LRRC71: variants seen among roughly 807,000 people sequenced by gnomAD.
The protein encoded by LRRC71 is leucine rich repeat containing 71.
In LRRC71, 54 loss-of-function variants were observed where a neutral mutation model predicts 66.6. That is an observed-to-expected ratio of 0.81 (90% confidence interval 0.65 to 1.02). LRRC71 has a LOEUF of 1.02. Among genes scored for constraint, LRRC71 ranks in the 50% least tolerant of loss-of-function variants. The probability of loss-of-function intolerance (pLI) is 0.00; values close to 1 mark genes in which losing one functional copy is unlikely to be tolerated. For missense variants in LRRC71, 724 were observed against 718.0 expected (o/e 1.01, Z -0.10); for synonymous variants, 323 against 303.9 (o/e 1.06, Z -0.65).
At chr1:156,939,514 T>C in the LRRC71 span, 1 of 1,604,516 alleles carries the variant, frequency 6.2e-7, no homozygotes, top group Non-Finnish European at 8.5e-7. Flanking sequence ...GCAAGGGTGC[T>C]TGTCTCCCCA....
At position 156,927,944 on chromosome 1, in the gene LRRC71, C is replaced by G. The variant is rs1317903875; in HGVS notation, c.936C>G (p.Thr312=). 6.2e-7 allele frequency: 1 copy of G among 1,611,848 alleles called. No homozygotes were observed. The highest frequency in any genetic ancestry group is 1.3e-5 in the African/African-American group (1 of 74,884). ...TGCGCGCCTTCGAGCTGACACACAC[C>G]GAAGTGGTGGAGCGCCGACGCCTCC... is the stretch of plus-strand genomic sequence containing the variant. ...EVLRAFELTH[T]EVVERRRLLL... is the part of the protein sequence containing the mutation. The change falls in exon 9 of 15, where the codon ACC becomes ACG. Residue 312 remains threonine, a synonymous_variant. Coordinates refer to ENST00000337428, the MANE Select transcript of LRRC71 (RefSeq NM_144702.3).
intron 1 of LRRC71, among the ~76,000 whole-genome samples, chr1:156,921,909 A>C (rs1051248295): frequency 5.3e-5 from 8 of 152,202 alleles, no homozygotes; most frequent in Admixed American, 1.3e-4. Flanking sequence ...TCCTCAGAGA[A>C]ACACTTTTGA....
chr1:156,935,689 G>A (rs149872717), downstream of LRRC71: 9 of 315,302 alleles, frequency 2.9e-5, no homozygotes, highest in African/African-American at 1.1e-4. Context: ...ACAGGCGTGC[G>A]CGTGTACACA....
intron 1 of LRRC71, chr1:156,921,550 T>C: frequency 1.2e-6 from 1 of 843,206 alleles, no homozygotes; most frequent in Non-Finnish European, 1.4e-6. Flanking sequence ...TAAAACAACT[T>C]GGGAAAAAGA....
intron 3 of LRRC71, 36 bp downstream of exon 3, chr1:156,924,588 C>T (rs1319446082): frequency 6.6e-7 from 1 of 1,526,690 alleles, no homozygotes; most frequent in African/African-American, 1.4e-5. Flanking sequence ...CCAGCTCCCT[C>T]CCGCTCCCCT....
intron 5 of LRRC71, 127 bp from the exon 6 acceptor site, chr1:156,927,075 T>C: frequency 2.6e-6 from 2 of 761,956 alleles, no homozygotes; most frequent in Non-Finnish European, 4.3e-6. Context: ...ATATTTCCTA[T>C]ATTGGGGGGG....
At chr1:156,930,093 C>CTTT in intron 11 of LRRC71, among the ~76,000 whole-genome samples, 1 of 57,674 alleles carries the variant, frequency 1.7e-5, no homozygotes, top group Admixed American at 1.8e-4. Context: ...TTCTTTCTTT[C>CTTT]TCTCTCTTTT....
At chr1:156,937,089 G>A (rs2275198), downstream of LRRC71, 255,991 of 1,569,932 alleles carry the variant, frequency 0.16, 21,889 homozygotes, top group East Asian at 0.34. Context: ...GGGCCTTGGG[G>A]AGGAGGGTGT....
At chr1:156,929,485 C>T in intron 10 of LRRC71, 56 bp downstream of exon 10, 2 of 1,608,414 alleles carry the variant, frequency 1.2e-6, no homozygotes, top group Non-Finnish European at 1.7e-6. Flanking sequence ...AGGGGGCTTC[C>T]ATCATGTACA....
intron 6 of LRRC71, 26 bp from the exon 7 acceptor site, chr1:156,927,470 C>T (rs1373813541): frequency 3.9e-6 from 6 of 1,519,884 alleles, no homozygotes; most frequent in Non-Finnish European, 5.3e-6. Flanking sequence ...TTCCAGCGAC[C>T]CACATTCTCC....
At chr1:156,924,330 G>A in intron 2 of LRRC71, 94 bp from the exon 3 acceptor site, 1 of 1,474,696 alleles carries the variant, frequency 6.8e-7, no homozygotes, top group Non-Finnish European at 9.0e-7. Flanking sequence ...CCCCTCTGGC[G>A]GTGTCCTCCA....
chr1:156,936,619 G>C (rs1411112015), downstream of LRRC71, among the ~76,000 whole-genome samples: 1 of 150,484 alleles, frequency 6.6e-6, no homozygotes. Context: ...TCAGTGCTAA[G>C]CTCCCCATTT....
At chr1:156,928,252 T>C (rs1021959456) in intron 9 of LRRC71, among the ~76,000 whole-genome samples, 4 of 152,250 alleles carry the variant, frequency 2.6e-5, no homozygotes, top group African/African-American at 9.6e-5. Context: ...TGAGACCACC[T>C]GGACCTGAAA....
downstream of LRRC71, chr1:156,935,829 G>C: frequency 8.5e-6 from 6 of 704,270 alleles, no homozygotes; most frequent in South Asian, 1.0e-4. Flanking sequence ...ACTCCGACTT[G>C]AGCAGACCAA....
intron 9 of LRRC71, among the ~76,000 whole-genome samples, chr1:156,928,499 C>CTTT (rs1653747150): frequency 2.2e-5 from 3 of 139,094 alleles, no homozygotes; most frequent in Admixed American, 7.0e-5. Context: ...TCCTCTTCTT[C>CTTT]CTCCTCCTCC....
chr1:156,927,855 GC>G (rs1557787766), intron 8 of LRRC71, 39 bp downstream of exon 8: 1 of 1,611,080 alleles, frequency 6.2e-7, no homozygotes, highest in Non-Finnish European at 8.5e-7. Flanking sequence ...GCGTGGGCGG[GC>G]CGAGGGAGCC....
At chr1:156,936,813 C>T (rs371173957), downstream of LRRC71, 18 of 1,611,778 alleles carry the variant, frequency 1.1e-5, no homozygotes, top group African/African-American at 1.5e-4. Flanking sequence ...TGGCTTCACT[C>T]ACCATCCTCA....
Position 156,929,320 on chromosome 1 carries a change from A to G in LRRC71, c.1037A>G (p.Glu346Gly), listed in dbSNP as rs1189422637. The change falls in exon 10 of 15, where the codon GAG becomes GGG. Residue 346 changes from glutamate to glycine, a missense_variant. Transcript: ENST00000337428. The stretch of plus-strand genomic sequence containing the variant: ...CACGGGGACTCCAAAACGGACCGTG[A>G]GAAGAGTCAGATGGTAGGGATCAGC... ...SRHGDSKTDR[E>G]KSQMVGISNS... 3 of 1,611,818 alleles carry G rather than the reference A, an allele frequency of 1.9e-6. No homozygotes were observed. The South Asian group carries it at 3.3e-5, about 18-fold the overall frequency.
Position 156,932,429 on chromosome 1 carries a change from C to A in LRRC71, c.1447C>A (p.Arg483Ser), listed in dbSNP as rs758960750. The change falls in exon 14 of 15, where the codon CGC (arginine) becomes AGC (serine). Residue 483 changes from arginine to serine, a missense_variant. Coordinates refer to ENST00000337428, the MANE Select transcript of LRRC71 (RefSeq NM_144702.3). ...CTGTCTGTAACTTCCACCAGGGAACCGCATCACAGAGGTGGGGCTGGAGGG... is the reference window on the plus strand; with the variant it reads ...CTGTCTGTAACTTCCACCAGGGAACAGCATCACAGAGGTGGGGCTGGAGGG... ...VLLHLNLIRN[R>S]ITEVGLEGFL... 2 of 1,612,722 alleles carry A rather than the reference C, an allele frequency of 1.2e-6. No homozygotes were observed. Among genetic ancestry groups the A allele is most frequent in the East Asian group, 4.5e-5 (2 of 44,866 alleles).
Sources: gnomAD v4.1 joint callset for allele counts (sites outside exome capture counted in the v4.1 genomes callset) on GRCh38, gnomAD v4.1.1 for gene constraint, MANE v1.5 for transcripts, NCBI Gene and HGNC (gene_info 2026-07-23, HGNC 2026-07-21) for gene names.